The following JMJD1C variants were observed in gnomAD, a reference collection of about 807,000 sequenced individuals.
JMJD1C encodes the protein jumonji domain-containing protein 1C.
A neutral mutation model predicts 245.3 loss-of-function variants in JMJD1C; 31 were observed. The ratio of observed to expected loss-of-function variants is 0.13; its 90% CI spans 0.09 to 0.17. JMJD1C has a LOEUF of 0.17. Among genes scored for constraint, JMJD1C ranks in the 10% least tolerant of loss-of-function variants. The pLI, the probability that JMJD1C is intolerant of heterozygous loss-of-function variation, is 1.00. For synonymous variants in JMJD1C, 1,057 were observed against 1,017.4 expected (o/e 1.04, Z -0.74); for missense variants, 2,691 against 3,000.2 (o/e 0.90, Z 2.41).
chr10:63,251,336 A>G (rs1853040152), intron 3 of JMJD1C, among the ~76,000 whole-genome samples: 5 of 152,200 alleles, frequency 3.3e-5, no homozygotes, highest in Admixed American at 3.3e-4. Flanking sequence ...ATTTTTTACT[A>G]AAATAAATGC....
intron 1 of JMJD1C, among the ~76,000 whole-genome samples, chr10:63,389,050 G>T (rs988861887): frequency 1.3e-5 from 2 of 152,150 alleles, no homozygotes; most frequent in Non-Finnish European, 2.9e-5. Context: ...GAGACCAGGT[G>T]TGCTGGCTTA....
intron 2 of JMJD1C, among the ~76,000 whole-genome samples, chr10:63,282,611 A>G (rs764849059): frequency 1.3e-5 from 2 of 152,230 alleles, no homozygotes; most frequent in African/African-American, 2.4e-5. Flanking sequence ...AGGGGTAACA[A>G]AGTTATATTT....
chr10:63,358,309 A>T (rs1013639084), intron 2 of JMJD1C, among the ~76,000 whole-genome samples: 3 of 152,316 alleles, frequency 2.0e-5, no homozygotes, highest in East Asian at 3.9e-4. Context: ...TGAGAAATCT[A>T]AACATTCTGT....
At chr10:63,309,063 C>T (rs1384103673) in intron 2 of JMJD1C, among the ~76,000 whole-genome samples, 1 of 152,040 alleles carries the variant, frequency 6.6e-6, no homozygotes, top group Non-Finnish European at 1.5e-5. Flanking sequence ...ATTCCACACC[C>T]GGGGCAAACC....
intron 1 of JMJD1C, among the ~76,000 whole-genome samples, chr10:63,392,880 ACACACACAC>A (rs1948183864): frequency 6.7e-6 from 1 of 148,728 alleles, no homozygotes; most frequent in Non-Finnish European, 1.5e-5. Context: ...ACACACACAC[ACACACACAC>A]ACACACACAC....
chr10:63,259,388 T>G (rs9415679), intron 3 of JMJD1C, among the ~76,000 whole-genome samples: 1 of 151,800 alleles, frequency 6.6e-6, no homozygotes, highest in African/African-American at 2.4e-5. Flanking sequence ...CCAAATGCCA[T>G]AGGACAGTAA....
At chr10:63,239,427 G>A (rs954618144) in intron 3 of JMJD1C, among the ~76,000 whole-genome samples, 1 of 152,036 alleles carries the variant, frequency 6.6e-6, no homozygotes, top group Non-Finnish European at 1.5e-5. Flanking sequence ...GCAAGAGAGA[G>A]ACCTAAAACA....
At chr10:63,354,793 T>C (rs565545740) in intron 2 of JMJD1C, among the ~76,000 whole-genome samples, 4 of 151,252 alleles carry the variant, frequency 2.6e-5, no homozygotes, top group African/African-American at 9.7e-5. Flanking sequence ...GGCAGGTGGA[T>C]TGCTTGAGCT....
chr10:63,438,635 C>A (rs1217947733), intron 1 of JMJD1C, among the ~76,000 whole-genome samples: 2 of 152,190 alleles, frequency 1.3e-5, no homozygotes, highest in African/African-American at 4.8e-5. Context: ...TCCTTCTCCT[C>A]TCCCACTTTT....
intron 3 of JMJD1C, among the ~76,000 whole-genome samples, chr10:63,221,358 T>C (rs987429729): frequency 6.6e-6 from 1 of 151,968 alleles, no homozygotes; most frequent in African/African-American, 2.4e-5. Context: ...ATTTTTAGAA[T>C]AGTATTGTGG....
chr10:63,185,629 T>A lies in JMJD1C; in HGVS notation c.6764A>T (p.Glu2255Val). The change falls in exon 20 of 26, where the codon GAA becomes GTA. Residue 2255 changes from glutamate (E) to valine (V), a missense_variant. By Grantham distance (121) the Glu-to-Val change is moderately radical. Coordinates refer to ENST00000399262, the MANE Select transcript of JMJD1C (RefSeq NM_032776.3). ...GTCTTTCAATTTTAAAACAACTGTTTCTCCACTCTTGTTTTTCTGCCGTTC... is the reference window on the plus strand; with the variant it reads ...GTCTTTCAATTTTAAAACAACTGTTACTCCACTCTTGTTTTTCTGCCGTTC... ...VSKRQKNKSGETVVLKLKDWP... is the reference protein window; with the variant it reads ...VSKRQKNKSGVTVVLKLKDWP... 1 of 1,602,658 alleles carries A rather than the reference T, an allele frequency of 6.2e-7. No individual in the cohort carries two copies. Among genetic ancestry groups the A allele is most frequent in the Non-Finnish European group, 8.6e-7 (1 of 1,169,370 alleles).
chr10:63,490,305 T>G (rs749222497), intron 1 of JMJD1C, among the ~76,000 whole-genome samples: 1 of 152,196 alleles, frequency 6.6e-6, no homozygotes, highest in African/African-American at 2.4e-5. Context: ...CACCTCTTCA[T>G]GAAGCCCTTC....
At chr10:63,226,095 TA>T (rs1284191948) in intron 3 of JMJD1C, among the ~76,000 whole-genome samples, 1 of 151,442 alleles carries the variant, frequency 6.6e-6, no homozygotes, top group African/African-American at 2.4e-5. Flanking sequence ...ATGTAAGGGG[TA>T]AAAGGCAACA....
intron 2 of JMJD1C, among the ~76,000 whole-genome samples, chr10:63,349,248 T>A (rs1163535723): frequency 6.6e-6 from 1 of 151,730 alleles, no homozygotes; most frequent in Non-Finnish European, 1.5e-5. Context: ...TGCACAACCA[T>A]GAGCCAAAAA....
intron 2 of JMJD1C, among the ~76,000 whole-genome samples, chr10:63,277,284 C>T (rs1278229879): frequency 6.7e-6 from 1 of 148,678 alleles, no homozygotes; most frequent in African/African-American, 2.5e-5. Flanking sequence ...CCGGCCTGAG[C>T]CACCGAGACT....
intron 2 of JMJD1C, chr10:63,269,274 CTG>C (rs1589345296): frequency 1.1e-6 from 1 of 894,358 alleles, no homozygotes. Context: ...GCTCTGTAAA[CTG>C]TAACTAATCC....
Position 63,246,403 on chromosome 10 carries a change from G to A in JMJD1C, c.447+18248C>T, listed in dbSNP as rs7082377. Reference sequence around the variant, plus strand: ...GAAATCATACAGGTAAGAAGGGAGGGCGACAACATTTTCAAAGTGATGAAA... The same window carrying A: ...GAAATCATACAGGTAAGAAGGGAGGACGACAACATTTTCAAAGTGATGAAA... On this transcript the variant is annotated intron_variant, in intron 3 of 25. Transcript: ENST00000399262. Among the ~76,000 whole-genome samples the A allele has an allele frequency of 2.2e-3, 328 of 152,038 alleles. 2 individuals carry two copies. Among genetic ancestry groups the A allele is most frequent in the African/African-American group, 7.7e-3 (318 of 41,444 alleles).
rs1206144769 is a variant in JMJD1C at position 63,375,535 on chromosome 10, CGT to C, written c.333+4781_333+4782del. ...AAGACTAGAAGACTTAATATTTACA[CGT>C]GTGTGTGTGTGTGTGTGTGTGTGTA... On this transcript the variant is annotated intron_variant, in intron 2 of 25. Transcript: ENST00000399262. Among the ~76,000 whole-genome samples, 412 of 147,450 alleles carry C rather than the reference CGT, an allele frequency of 2.8e-3. 1 individual carries two copies. Among genetic ancestry groups the C allele is most frequent in the Admixed American group, 4.0e-3 (58 of 14,654 alleles).
chr10:63,333,257 C>A (rs559247458), intron 2 of JMJD1C, among the ~76,000 whole-genome samples: 1 of 152,144 alleles, frequency 6.6e-6, no homozygotes, highest in African/African-American at 2.4e-5. Flanking sequence ...CTATTTCTTG[C>A]GTATGAGAAA....
Sources: gnomAD v4.1 joint callset for allele counts (sites outside exome capture counted in the v4.1 genomes callset) on GRCh38, gnomAD v4.1.1 for gene constraint, MANE v1.5 for transcripts, NCBI Gene and HGNC (gene_info 2026-07-23, HGNC 2026-07-21) for gene names.